The following TBC1D8B variants were observed in gnomAD, a reference collection of about 807,000 sequenced individuals.
The protein encoded by TBC1D8B is RP11-321G1.1.
Under a neutral mutation model 82.9 loss-of-function variants are expected in TBC1D8B, and 75 were observed. The ratio of observed to expected loss-of-function variants is 0.90; its 90% CI spans 0.75 to 1.10. The LOEUF is 1.10. Among genes scored for constraint, TBC1D8B ranks in the 50% least tolerant of loss-of-function variants. TBC1D8B has a pLI of 0.00. For missense variants in TBC1D8B, 794 were observed against 796.9 expected (o/e 1.00, Z 0.04); for synonymous variants, 276 against 276.8 (o/e 1.00, Z 0.03).
intron 4 of TBC1D8B, among the ~76,000 whole-genome samples, chrX:106,822,912 G>A (rs1305303671): frequency 9.1e-6 from 1 of 110,158 alleles, no homozygotes; most frequent in African/African-American, 3.3e-5. Flanking sequence ...GGGACTACTT[G>A]GGATGTGAGA....
At position 106,874,561 on chromosome X, in the gene TBC1D8B, A is replaced by G. The variant is rs1932874132; in HGVS notation, c.*596A>G. ...AAATGCTTTTTTAAGTACCTTCTAC[A>G]GTCTTCCTACCTGAGGGGTTCAGAG... On this transcript the variant is annotated 3_prime_UTR_variant, in exon 21 of 21. Transcript: ENST00000357242. 9.0e-6 allele frequency: 1 copy of G among 111,668 alleles called. No homozygotes were observed. The highest frequency in any genetic ancestry group is 3.3e-5 in the African/African-American group (1 of 30,696). 9.2% of individuals were successfully genotyped at this position (111,668 alleles called of 1,213,427 possible).
intron 16 of TBC1D8B, 94 bp downstream of exon 16, chrX:106,866,127 G>T: frequency 1.1e-6 from 1 of 891,953 alleles, no homozygotes; most frequent in East Asian, 3.2e-5. Context: ...TATCACCATG[G>T]GTTACAGTGT....
At chrX:106,837,769 T>C (rs918886943) in intron 7 of TBC1D8B, among the ~76,000 whole-genome samples, 2 of 111,852 alleles carry the variant, frequency 1.8e-5, no homozygotes, top group Non-Finnish European at 3.8e-5. Context: ...TGTTCATCCA[T>C]GTCGCTGCAA....
chrX:106,859,029 C>G (rs913046820), intron 14 of TBC1D8B, among the ~76,000 whole-genome samples: 3 of 111,661 alleles, frequency 2.7e-5, no homozygotes, highest in Non-Finnish European at 5.6e-5. Context: ...AGGTGTGCAG[C>G]TTTATTTCTG....
intron 9 of TBC1D8B, 139 bp from the exon 10 acceptor site, chrX:106,840,531 C>A: frequency 3.5e-6 from 2 of 565,618 alleles, no homozygotes; most frequent in South Asian, 3.1e-5. Flanking sequence ...TAGTGTAAAG[C>A]TCTTTTCTGT....
rs1430163990 is a variant in TBC1D8B at position 106,802,850 on chromosome X, C to A, written c.-4C>A. 1.7e-6 allele frequency: 2 copies of A among 1,210,292 alleles called. No homozygotes were observed. The highest frequency in any genetic ancestry group is 2.2e-6 in the Non-Finnish European group (2 of 894,887). On this transcript the variant is annotated 5_prime_UTR_variant, in exon 1 of 21. Transcript: ENST00000357242. Reference sequence around the variant, plus strand: ...CACTGCTCCCGGGGGGCACAAAGTTCGCGATGTGGCTGAAGCCTGAGGAAG... The same window carrying A: ...CACTGCTCCCGGGGGGCACAAAGTTAGCGATGTGGCTGAAGCCTGAGGAAG...
At position 106,868,398 on chromosome X, in the gene TBC1D8B, A is replaced by G. The variant is rs866088406; in HGVS notation, c.2734A>G (p.Thr912Ala). 6.0e-6 allele frequency: 6 copies of G among 998,389 alleles called. No individual in the cohort carries two copies. The African/African-American group carries it at 9.8e-5, about 16-fold the overall frequency. The allele number at this position is 998,389 out of a possible 1,213,427, so 82.3% of individuals were successfully genotyped here. The change falls in exon 18 of 21, where the codon ACT (threonine) becomes GCT (alanine). Residue 912 changes from threonine to alanine, a missense_variant. Transcript: ENST00000357242. ...GGTTATTTATATGTTTTCAGCTTAC[A>G]CTGAAGTGAAATCTAAGGATGCTTC... is the stretch of plus-strand genomic sequence containing the variant. Reference protein sequence around the residue: ...LFKLHIPPAYTEVKSKDASKG... With the variant: ...LFKLHIPPAYAEVKSKDASKG...
At chrX:106,822,902 G>T (rs1193661722) in intron 4 of TBC1D8B, among the ~76,000 whole-genome samples, 1 of 109,887 alleles carries the variant, frequency 9.1e-6, no homozygotes, top group Non-Finnish European at 1.9e-5. Context: ...GCTACTTGGG[G>T]GGACTACTTG....
intron 10 of TBC1D8B, among the ~76,000 whole-genome samples, chrX:106,847,219 A>G (rs1430456279): frequency 1.8e-5 from 2 of 111,712 alleles, no homozygotes; most frequent in Non-Finnish European, 3.8e-5. Context: ...CAATAGTAGA[A>G]TGGTTAAATA....
intron 1 of TBC1D8B, among the ~76,000 whole-genome samples, chrX:106,816,875 A>T (rs1931555562): frequency 9.2e-6 from 1 of 109,144 alleles, no homozygotes; most frequent in South Asian, 3.9e-4. Context: ...CTTCTAGTTT[A>T]CCTCCTTCTA....
At chrX:106,810,240 A>G (rs1233180529) in intron 1 of TBC1D8B, among the ~76,000 whole-genome samples, 2 of 111,862 alleles carry the variant, frequency 1.8e-5, no homozygotes, top group African/African-American at 6.5e-5. Context: ...AAATTAAATC[A>G]TCCATCTATG....
chrX:106,865,436 A>G (rs764385999), intron 14 of TBC1D8B, 123 bp from the exon 15 acceptor site: 3 of 367,420 alleles, frequency 8.2e-6, no homozygotes, highest in Non-Finnish European at 9.1e-6. Context: ...TTTATTATTC[A>G]TTTAAGAAGT....
intron 14 of TBC1D8B, among the ~76,000 whole-genome samples, chrX:106,860,664 T>C (rs1424753202): frequency 1.8e-5 from 2 of 110,986 alleles, no homozygotes; most frequent in East Asian, 5.7e-4. Context: ...ATTTATTCTT[T>C]TAAATAGCCA....
chrX:106,824,340 T>A (rs908884759), intron 5 of TBC1D8B, among the ~76,000 whole-genome samples: 1 of 111,099 alleles, frequency 9.0e-6, no homozygotes, highest in African/African-American at 3.3e-5. Flanking sequence ...CCTAGAAGGT[T>A]GTATGATCAC....
chrX:106,848,311 A>G lies in TBC1D8B; in HGVS notation c.1837+8A>G. 9.0e-7 allele frequency: 1 copy of G among 1,116,731 alleles called. No homozygotes were observed. Among genetic ancestry groups the G allele is most frequent in the Non-Finnish European group, 1.2e-6 (1 of 817,344 alleles). 92.0% of individuals were successfully genotyped at this position (1,116,731 alleles called of 1,213,427 possible). ...TTAATCGTCGAATTATTGGTAAAAGAAAAACCACACACACACATATGCATA... is the reference window on the plus strand; with the variant it reads ...TTAATCGTCGAATTATTGGTAAAAGGAAAACCACACACACACATATGCATA... On this transcript the variant is annotated splice_region_variant and intron_variant, in intron 11 of 20. Transcript: ENST00000357242.
intron 10 of TBC1D8B, among the ~76,000 whole-genome samples, chrX:106,842,606 TCTA>T (rs1242297209): frequency 1.9e-4 from 1 of 5,211 alleles, no homozygotes; most frequent in Admixed American, 1.4e-3. Context: ...GCTTGCTCTA[TCTA>T]TCTATCTATC....
In TBC1D8B at chrX:106,863,665, C is replaced by T. The variant is rs762116874; in HGVS notation, c.2353-1894C>T. ...GGGTACCAGGGGTTGCAACTGCCAG[C>T]AGAGTTTAGGCAGAAGCTGGACCAC... On this transcript the variant is annotated intron_variant, in intron 14 of 20. Transcript: ENST00000357242. 3.6e-5 allele frequency among the ~76,000 whole-genome samples: 4 copies of T among 112,106 alleles called. No homozygotes were observed. The South Asian group carries it at 1.5e-3, about 42-fold the overall frequency.
In TBC1D8B at chrX:106,865,969, A is replaced by C; in HGVS notation, c.2598A>C (p.Thr866=). The part of the protein sequence containing the change: ...SANKDSLALW[T]FRLLDENSDC... ...ATAAAGACTCACTAGCTTTATGGAC[A>C]TTCAGATTGTTAGATGAAAACTCTG... The change falls in exon 16 of 21, where the codon ACA becomes ACC. Residue 866 remains threonine (T), a synonymous_variant. Transcript: ENST00000357242. The C allele has an allele frequency of 8.3e-7, 1 of 1,209,413 alleles. No individual in the cohort carries two copies. Among genetic ancestry groups the C allele is most frequent in the Non-Finnish European group, 1.1e-6 (1 of 893,961 alleles).
intron 6 of TBC1D8B, among the ~76,000 whole-genome samples, chrX:106,826,804 A>G (rs1413188295): frequency 9.0e-6 from 1 of 111,175 alleles, no homozygotes; most frequent in Non-Finnish European, 1.9e-5. Flanking sequence ...CACTTTCAGT[A>G]AGAGCTGTAA....
Sources: allele counts gnomAD v4.1 joint callset (sites outside exome capture counted in the v4.1 genomes callset), GRCh38; gene constraint gnomAD v4.1.1; transcripts MANE v1.5; gene names NCBI Gene and HGNC (gene_info 2026-07-23, HGNC 2026-07-21).